KCNQ5: variants seen among roughly 807,000 people sequenced by gnomAD.
KCNQ5 encodes the protein potassium voltage-gated channel subfamily KQT member 5.
Under a neutral mutation model 98.2 loss-of-function variants are expected in KCNQ5, and 30 were observed. The ratio of observed to expected loss-of-function variants is 0.31; its 90% CI spans 0.23 to 0.41. The LOEUF is 0.41. Ranked by LOEUF, KCNQ5 falls within the 10% of genes least tolerant of loss-of-function variation. The pLI is 1.00. For missense variants in KCNQ5, 835 were observed against 1,182.5 expected, an observed-to-expected ratio of 0.71 and a Z score of 4.31; for synonymous variants, 458 against 449.4, an observed-to-expected ratio of 1.02 and a Z score of -0.24.
At chr6:73,187,062 T>TTA (rs1491444873) in intron 11 of KCNQ5, among the ~76,000 whole-genome samples, 3 of 115,710 alleles carry the variant, frequency 2.6e-5, no homozygotes, top group Admixed American at 1.7e-4. Context: ...ACCAAAATTC[T>TTA]TTTTTTTTTT....
intron 1 of KCNQ5, among the ~76,000 whole-genome samples, chr6:72,625,410 A>G (rs1400210138): frequency 1.3e-5 from 2 of 152,136 alleles, no homozygotes; most frequent in Non-Finnish European, 2.9e-5. Context: ...TCCTATCTTC[A>G]ACTTTTCTTC....
intron 1 of KCNQ5, among the ~76,000 whole-genome samples, chr6:72,716,383 T>C (rs568813086): frequency 1.6e-4 from 25 of 152,366 alleles, no homozygotes; most frequent in African/African-American, 6.0e-4. Context: ...TGAATTACCA[T>C]ATTAGCATGA....
intron 1 of KCNQ5, among the ~76,000 whole-genome samples, chr6:72,763,990 T>G (rs532451005): frequency 1.3e-5 from 2 of 152,124 alleles, no homozygotes; most frequent in East Asian, 1.9e-4. Flanking sequence ...TACTCTCTTT[T>G]GTAAAATGAT....
intron 5 of KCNQ5, among the ~76,000 whole-genome samples, chr6:73,079,751 G>C (rs767033610): frequency 2.0e-5 from 3 of 152,172 alleles, no homozygotes; most frequent in Non-Finnish European, 4.4e-5. Context: ...GCTTGAAAGA[G>C]AGCAGTCATC....
chr6:72,654,966 T>C (rs1766070895), intron 1 of KCNQ5, among the ~76,000 whole-genome samples: 1 of 152,096 alleles, frequency 6.6e-6, no homozygotes, highest in African/African-American at 2.4e-5. Flanking sequence ...ACCAGACATA[T>C]TTCCAATAAA....
chr6:72,652,719 T>G (rs1765937732), intron 1 of KCNQ5, among the ~76,000 whole-genome samples: 1 of 152,032 alleles, frequency 6.6e-6, no homozygotes, highest in South Asian at 2.1e-4. Context: ...AAAAGAGCTG[T>G]ATTCCTGTAT....
Position 72,794,700 on chromosome 6 carries a change from T to A in KCNQ5, c.398+172113T>A, listed in dbSNP as rs146107506. ...AGGTTAGCACTTAATGAGGGGTGTA[T>A]GTCTGTTCATCTCTTTTTTTATTGA... is the stretch of plus-strand genomic sequence containing the variant. On this transcript the variant is annotated intron_variant, in intron 1 of 13. Transcript: ENST00000370398. Among the ~76,000 whole-genome samples, 4 of 152,280 alleles carry A rather than the reference T, an allele frequency of 2.6e-5. No homozygotes were observed. The East Asian group carries it at 7.7e-4, about 29-fold the overall frequency.
chr6:72,884,948 T>C (rs1231583635), intron 1 of KCNQ5, among the ~76,000 whole-genome samples: 1 of 152,144 alleles, frequency 6.6e-6, no homozygotes, highest in Non-Finnish European at 1.5e-5. Flanking sequence ...ATGTAGGTCA[T>C]GGCTAACTAA....
chr6:72,729,772 T>C (rs1770465606), intron 1 of KCNQ5, among the ~76,000 whole-genome samples: 1 of 152,184 alleles, frequency 6.6e-6, no homozygotes, highest in Non-Finnish European at 1.5e-5. Context: ...GAGAACTTAT[T>C]TCAGGTATTA....
intron 7 of KCNQ5, among the ~76,000 whole-genome samples, chr6:73,119,956 G>C (rs989221346): frequency 6.6e-6 from 1 of 151,920 alleles, no homozygotes; most frequent in African/African-American, 2.4e-5. Flanking sequence ...AAGAAGCTCT[G>C]GCCAGGCACA....
intron 11 of KCNQ5, among the ~76,000 whole-genome samples, chr6:73,177,658 A>G (rs1164484564): frequency 6.6e-6 from 1 of 152,188 alleles, no homozygotes; most frequent in African/African-American, 2.4e-5. Flanking sequence ...TTTAATCATC[A>G]CCAGTTCTTA....
chr6:72,632,433 G>T (rs1186732025), intron 1 of KCNQ5, among the ~76,000 whole-genome samples: 4 of 151,984 alleles, frequency 2.6e-5, no homozygotes, highest in African/African-American at 7.2e-5. Context: ...GAGCCACCGC[G>T]CCTGGCCAGT....
At chr6:72,743,179 A>G (rs1163835760) in intron 1 of KCNQ5, among the ~76,000 whole-genome samples, 2 of 152,190 alleles carry the variant, frequency 1.3e-5, no homozygotes, top group African/African-American at 2.4e-5. Flanking sequence ...TTAAATACTT[A>G]GAAGATTTAA....
At chr6:73,089,700 A>C (rs1774152733) in intron 5 of KCNQ5, among the ~76,000 whole-genome samples, 1 of 152,138 alleles carries the variant, frequency 6.6e-6, no homozygotes, top group South Asian at 2.1e-4. Context: ...TTAGAACAAT[A>C]GTCTCCAATC....
chr6:72,966,269 G>C (rs1178464779), intron 1 of KCNQ5, among the ~76,000 whole-genome samples: 2 of 152,118 alleles, frequency 1.3e-5, no homozygotes, highest in African/African-American at 4.8e-5. Context: ...ATTATAAAAA[G>C]AAAAGCAGGC....
intron 1 of KCNQ5, among the ~76,000 whole-genome samples, chr6:72,952,957 C>A (rs1766878377): frequency 6.6e-6 from 1 of 152,224 alleles, no homozygotes; most frequent in Non-Finnish European, 1.5e-5. Context: ...CTCTTTCCTG[C>A]ATTTCCTGTT....
At chr6:72,652,074 TAC>T (rs1442325048) in intron 1 of KCNQ5, among the ~76,000 whole-genome samples, 3 of 152,000 alleles carry the variant, frequency 2.0e-5, no homozygotes, top group Admixed American at 2.0e-4. Context: ...TGCTCACACT[TAC>T]ACTCACTTTA....
At chr6:72,857,956 A>G (rs1238641750) in intron 1 of KCNQ5, among the ~76,000 whole-genome samples, 1 of 152,248 alleles carries the variant, frequency 6.6e-6, no homozygotes, top group Non-Finnish European at 1.5e-5. Flanking sequence ...AGCAAAATGC[A>G]CAAATAACTC....
At chr6:72,837,943 G>A (rs1412546112) in intron 1 of KCNQ5, among the ~76,000 whole-genome samples, 1 of 151,170 alleles carries the variant, frequency 6.6e-6, no homozygotes, top group African/African-American at 2.4e-5. Flanking sequence ...TTTTTTTTTG[G>A]ATTCTTCATC....
Sources: allele counts gnomAD v4.1 joint callset (sites outside exome capture counted in the v4.1 genomes callset), GRCh38; gene constraint gnomAD v4.1.1; transcripts MANE v1.5; gene names NCBI Gene and HGNC (gene_info 2026-07-23, HGNC 2026-07-21).